LIN7A: variants seen among roughly 807,000 people sequenced by gnomAD.
LIN7A encodes protein lin-7 homolog A.
A neutral mutation model predicts 29.8 loss-of-function variants in LIN7A; 25 were observed. That is an observed-to-expected ratio of 0.84 (90% confidence interval 0.61 to 1.17). LIN7A has a LOEUF of 1.17. LIN7A is among the 50% of genes most tolerant of loss of function. The pLI is 0.00. For missense variants in LIN7A, 239 were observed against 287.0 expected (o/e 0.83, Z 1.21); for synonymous variants, 118 against 107.5 (o/e 1.10, Z -0.60).
At position 80,880,202 on chromosome 12, in the gene LIN7A, A is replaced by C. The variant is rs141595113; in HGVS notation, c.201+9049T>G. ...CTGTAATTTCTTCCTCCAAAATGAC[A>C]GTTGTTTCCAGAGCCACCCTACTAG... On this transcript the variant is annotated intron_variant, in intron 2 of 5. Transcript: ENST00000552864. Among the ~76,000 whole-genome samples, 262 of 152,240 alleles carry C rather than the reference A, an allele frequency of 1.7e-3. 2 individuals are homozygous for C. The East Asian group carries it at 0.036, about 21-fold the overall frequency.
At chr12:80,843,980 A>G (rs780501616) in intron 4 of LIN7A, among the ~76,000 whole-genome samples, 1 of 151,574 alleles carries the variant, frequency 6.6e-6, no homozygotes, top group Non-Finnish European at 1.5e-5. Flanking sequence ...AATTTATTAT[A>G]TATATATATA....
intron 1 of LIN7A, among the ~76,000 whole-genome samples, chr12:80,934,433 A>G (rs1878094501): frequency 6.6e-6 from 1 of 152,192 alleles, no homozygotes; most frequent in Non-Finnish European, 1.5e-5. Context: ...AGGGCCATGA[A>G]AATCTGTAAT....
At chr12:80,817,991 CT>C (rs1254361997) in intron 4 of LIN7A, among the ~76,000 whole-genome samples, 4 of 152,182 alleles carry the variant, frequency 2.6e-5, no homozygotes, top group Admixed American at 2.6e-4. Flanking sequence ...TAGCATGGGG[CT>C]ACCTGAAGGA....
At chr12:80,810,403 G>C (rs1164362652) in intron 5 of LIN7A, among the ~76,000 whole-genome samples, 1 of 106,380 alleles carries the variant, frequency 9.4e-6, no homozygotes, top group Admixed American at 9.8e-5. Flanking sequence ...CTGTGTGTGT[G>C]TGTGTGTGTG....
At chr12:80,936,430 CA>C (rs1317267667) in intron 1 of LIN7A, 2 of 152,340 alleles carry the variant, frequency 1.3e-5, no homozygotes, top group East Asian at 3.9e-4. Flanking sequence ...GTACTCTCAG[CA>C]GGATGTTCTT....
intron 4 of LIN7A, among the ~76,000 whole-genome samples, chr12:80,833,599 C>T (rs1179652756): frequency 9.2e-5 from 14 of 152,218 alleles, no homozygotes; most frequent in East Asian, 1.9e-4. Context: ...ATGTTAAGTC[C>T]GGGCTCCTTG....
intron 4 of LIN7A, chr12:80,845,485 G>C: frequency 2.5e-6 from 1 of 397,316 alleles, no homozygotes; most frequent in Non-Finnish European, 4.4e-6. Flanking sequence ...AAGTCAGCTA[G>C]TTGGATTAAT....
At chr12:80,827,933 T>G (rs1239976636) in intron 4 of LIN7A, among the ~76,000 whole-genome samples, 1 of 152,200 alleles carries the variant, frequency 6.6e-6, no homozygotes, top group African/African-American at 2.4e-5. Flanking sequence ...TTTTTGTTCT[T>G]GCTTATACCT....
chr12:80,917,408 A>T (rs1383851166), intron 1 of LIN7A, among the ~76,000 whole-genome samples: 1 of 152,224 alleles, frequency 6.6e-6, no homozygotes, highest in African/African-American at 2.4e-5. Flanking sequence ...GGCTGTTTTA[A>T]TACTTAACTC....
chr12:80,901,108 T>C (rs903949424), intron 1 of LIN7A, among the ~76,000 whole-genome samples: 1 of 152,156 alleles, frequency 6.6e-6, no homozygotes, highest in African/African-American at 2.4e-5. Flanking sequence ...GATGGGCACT[T>C]AGGCACTACC....
In LIN7A at chr12:80,793,874, T is replaced by C. The variant is rs1488634935; in HGVS notation, c.*3853A>G. ...TTTATAAAATTTAAAAATGGGGTTTTATGTTTGAATCATTCCTGCCAGATA... is the reference window on the plus strand; with the variant it reads ...TTTATAAAATTTAAAAATGGGGTTTCATGTTTGAATCATTCCTGCCAGATA... On this transcript the variant is annotated 3_prime_UTR_variant, in exon 6 of 6. Transcript: ENST00000552864. The C allele has an allele frequency of 1.3e-5, 2 of 152,178 alleles. No homozygotes were observed. Among genetic ancestry groups the C allele is most frequent in the Non-Finnish European group, 2.9e-5 (2 of 68,016 alleles). The allele number at this position is 152,178 out of a possible 1,614,324, so 9.4% of individuals were successfully genotyped here. A position where few individuals can be genotyped will look rare whatever the true frequency, so the allele number is the denominator to read the frequency against.
At chr12:80,925,227 T>A (rs1877517468) in intron 1 of LIN7A, among the ~76,000 whole-genome samples, 1 of 152,226 alleles carries the variant, frequency 6.6e-6, no homozygotes, top group Non-Finnish European at 1.5e-5. Flanking sequence ...GTGGTAAGTG[T>A]TCTAATAGAA....
chr12:80,886,021 T>C (rs527513921), intron 2 of LIN7A, among the ~76,000 whole-genome samples: 2 of 152,122 alleles, frequency 1.3e-5, no homozygotes, highest in Non-Finnish European at 2.9e-5. Context: ...GACCTATGTC[T>C]GTTTTTGTTC....
intron 2 of LIN7A, chr12:80,861,417 C>T (rs11114640): frequency 0.11 from 16,795 of 155,934 alleles, 1,038 homozygotes; most frequent in Middle Eastern, 0.21. Flanking sequence ...GTTGTGCCCA[C>T]ATTTGATGGT....
chr12:80,901,099 A>T (rs148435676), intron 1 of LIN7A, among the ~76,000 whole-genome samples: 154 of 152,298 alleles, frequency 1.0e-3, no homozygotes, highest in African/African-American at 3.5e-3. Flanking sequence ...AATGAATATG[A>T]TGGGCACTTA....
At chr12:80,859,453 C>T (rs1348100236) in intron 2 of LIN7A, among the ~76,000 whole-genome samples, 1 of 152,076 alleles carries the variant, frequency 6.6e-6, no homozygotes, top group African/African-American at 2.4e-5. Flanking sequence ...AAAATGTACG[C>T]TATAAAATAT....
intron 2 of LIN7A, among the ~76,000 whole-genome samples, chr12:80,859,504 T>C (rs1161875895): frequency 6.6e-6 from 1 of 152,166 alleles, no homozygotes; most frequent in Admixed American, 6.5e-5. Context: ...GCTTTGTGTA[T>C]ACTTTACCCT....
intron 1 of LIN7A, among the ~76,000 whole-genome samples, chr12:80,903,400 T>C (rs1183822236): frequency 6.6e-6 from 1 of 152,066 alleles, no homozygotes; most frequent in Admixed American, 6.6e-5. Flanking sequence ...TATTCCACAC[T>C]CTATGTCCAT....
rs1870408985 is a variant in LIN7A, at chr12:80,795,620, T to TACA, written c.*2106_*2107insTGT. On this transcript the variant is annotated 3_prime_UTR_variant, in exon 6 of 6. Transcript: ENST00000552864. ...ATACTCACTCACCTTAAGCTCCAAA[T>TACA]TTATACAATGTATTGAAATGTGTTG... 6.6e-6 allele frequency: 1 copy of TACA among 152,138 alleles called. No homozygotes were observed. Among genetic ancestry groups the TACA allele is most frequent in the South Asian group, 2.1e-4 (1 of 4,832 alleles). The allele number at this position is 152,138 out of a possible 1,614,324, so 9.4% of individuals were successfully genotyped here. A position where few individuals can be genotyped will look rare whatever the true frequency, so the allele number is the denominator to read the frequency against.
Sources: allele counts gnomAD v4.1 joint callset (sites outside exome capture counted in the v4.1 genomes callset), GRCh38; gene constraint gnomAD v4.1.1; transcripts MANE v1.5; gene names NCBI Gene and HGNC (gene_info 2026-07-23, HGNC 2026-07-21).